Variants in MCOLN2 observed in about 807,000 individuals in gnomAD.
The protein encoded by MCOLN2 is mucolipin-2.
Under a neutral mutation model 67.5 loss-of-function variants are expected in MCOLN2, and 57 were observed. The observed-to-expected ratio is 0.84, with a 90% CI of 0.68 to 1.05. MCOLN2 has a LOEUF of 1.05. MCOLN2 is among the 50% of genes least tolerant of loss of function. MCOLN2 has a pLI of 0.00. For missense variants in MCOLN2, 620 were observed against 678.8 expected (o/e 0.91, Z 0.96); for synonymous variants, 246 against 233.3 (o/e 1.05, Z -0.50).
chr1:84,947,598 A>G (rs953253912), intron 6 of MCOLN2, among the ~76,000 whole-genome samples: 4 of 152,218 alleles, frequency 2.6e-5, no homozygotes, highest in Non-Finnish European at 5.9e-5. Flanking sequence ...AGTCCTTGCT[A>G]CAGGAGAGCC....
In MCOLN2 at chr1:84,987,494, G is replaced by GTATATATAGATATA. The variant is rs371006356; in HGVS notation, c.77+9301_77+9302insTATATCTATATATA. 4.7e-4 allele frequency among the ~76,000 whole-genome samples: 25 copies of GTATATATAGATATA among 53,548 alleles called. 1 individual carries two copies. The highest frequency in any genetic ancestry group is 1.3e-3 in the African/African-American group (18 of 13,780). 35.1% of individuals were successfully genotyped at this position (53,548 alleles called of 152,430 possible). A position where few individuals can be genotyped will look rare whatever the true frequency, so the allele number is the denominator to read the frequency against. ...TAGATATATATACATATATACATAT[G>GTATATATAGATATA]TATACATAGATGTATACATATGTAT... On this transcript the variant is annotated intron_variant, in intron 1 of 13. Transcript: ENST00000370608.
chr1:84,971,499 TACACACAC>T (rs71097870), intron 1 of MCOLN2, among the ~76,000 whole-genome samples: 3,507 of 132,222 alleles, frequency 0.027, 53 homozygotes, highest in African/African-American at 0.051. Flanking sequence ...TAAACAGACA[TACACACAC>T]ACACACACAC....
intron 1 of MCOLN2, among the ~76,000 whole-genome samples, chr1:84,969,251 C>A (rs560105476): frequency 6.6e-6 from 1 of 152,280 alleles, no homozygotes; most frequent in East Asian, 1.9e-4. Context: ...GTCATGGGAA[C>A]CCTAACTTGA....
chr1:84,936,298 G>A (rs539763182), intron 11 of MCOLN2, among the ~76,000 whole-genome samples: 7 of 152,238 alleles, frequency 4.6e-5, no homozygotes, highest in East Asian at 1.9e-4. Flanking sequence ...TAGGGGAGAC[G>A]GGGATGGGGT....
At chr1:84,964,753 C>T (rs889659778) in intron 2 of MCOLN2, among the ~76,000 whole-genome samples, 15 of 152,222 alleles carry the variant, frequency 9.9e-5, no homozygotes, top group South Asian at 4.2e-4. Context: ...CATAAGGAGC[C>T]GCACCTAGAT....
chr1:84,970,266 C>G (rs1483936295), intron 1 of MCOLN2, among the ~76,000 whole-genome samples: 2 of 151,580 alleles, frequency 1.3e-5, no homozygotes, highest in African/African-American at 2.4e-5. Flanking sequence ...CAACTCCCCC[C>G]ACCCCCCAAC....
chr1:84,931,323 G>T, intron 12 of MCOLN2, 39 bp downstream of exon 12: 1 of 1,118,190 alleles, frequency 8.9e-7, no homozygotes, highest in Non-Finnish European at 1.4e-6. Context: ...TATAGAATTT[G>T]CAGTGATTTT....
chr1:84,954,285 C>A lies in MCOLN2; in HGVS notation c.566-1755G>T, dbSNP rs369724646. ...AAGATAGTTGCAGAGAGTGTGTCTC[C>A]CTGTGTTTGGCAGATGGAGTATTAC... On this transcript the variant is annotated intron_variant, in intron 4 of 13. Coordinates refer to ENST00000370608, the MANE Select transcript of MCOLN2 (RefSeq NM_153259.4). Among the ~76,000 whole-genome samples the A allele has an allele frequency of 2.6e-5, 4 of 152,266 alleles. No homozygotes were observed. The East Asian group carries it at 7.7e-4, about 29-fold the overall frequency.
At chr1:84,945,834 C>A (rs1648070617) in intron 7 of MCOLN2, among the ~76,000 whole-genome samples, 1 of 152,054 alleles carries the variant, frequency 6.6e-6, no homozygotes. Flanking sequence ...GCAGCCTCTG[C>A]CTCTCAGGTT....
At chr1:84,929,537 G>A (rs759877747) in intron 13 of MCOLN2, 21 bp downstream of exon 13, 1 of 1,591,994 alleles carries the variant, frequency 6.3e-7, no homozygotes, top group Non-Finnish European at 8.6e-7. Flanking sequence ...CAGGAGCATG[G>A]AGAATAAACA....
chr1:84,987,667 T>G (rs1650682638), intron 1 of MCOLN2, among the ~76,000 whole-genome samples: 2 of 144,230 alleles, frequency 1.4e-5, no homozygotes, highest in African/African-American at 5.1e-5. Context: ...CATATGTATA[T>G]ATGTATATAG....
chr1:84,975,110 G>T (rs532185), intron 1 of MCOLN2, among the ~76,000 whole-genome samples: 21,391 of 152,042 alleles, frequency 0.14, 1,736 homozygotes, highest in East Asian at 0.26. Context: ...TCCTGGGGGA[G>T]CTCAGCATCC....
At chr1:84,936,910 A>G (rs776255198) in intron 11 of MCOLN2, among the ~76,000 whole-genome samples, 2 of 152,208 alleles carry the variant, frequency 1.3e-5, no homozygotes, top group Non-Finnish European at 2.9e-5. Flanking sequence ...AAGTGAGGCT[A>G]ACAGTACCCT....
At position 84,996,935 on chromosome 1, in the gene MCOLN2, C is replaced by A. The variant is rs530316101; in HGVS notation, c.-63G>T. Reference sequence around the variant, plus strand: ...CGGAACAGGAAACACCGTTCACGGCCGACTCATTTCGCCCTCGCCGTAACG... The same window carrying A: ...CGGAACAGGAAACACCGTTCACGGCAGACTCATTTCGCCCTCGCCGTAACG... On this transcript the variant is annotated 5_prime_UTR_variant, in exon 1 of 14. Coordinates refer to ENST00000370608, the MANE Select transcript of MCOLN2 (RefSeq NM_153259.4). 1 of 1,438,256 alleles carries A rather than the reference C, an allele frequency of 7.0e-7. No homozygotes were observed. 89.1% of individuals were successfully genotyped at this position (1,438,256 alleles called of 1,614,324 possible).
chr1:84,973,621 T>G (rs589653), intron 1 of MCOLN2, among the ~76,000 whole-genome samples: 76,757 of 151,892 alleles, frequency 0.51, 19,682 homozygotes, highest in East Asian at 0.64. Flanking sequence ...ACCAGTTATG[T>G]TTTATGTGGG....
intron 1 of MCOLN2, among the ~76,000 whole-genome samples, chr1:84,990,748 A>AT (rs1293709498): frequency 6.6e-6 from 1 of 151,924 alleles, no homozygotes; most frequent in Non-Finnish European, 1.5e-5. Context: ...GGAGACCCCC[A>AT]TCTCTAGAAA....
intron 6 of MCOLN2, among the ~76,000 whole-genome samples, chr1:84,950,757 T>A (rs958207365): frequency 2.0e-5 from 3 of 152,028 alleles, no homozygotes; most frequent in Non-Finnish European, 2.9e-5. Context: ...ACAAGCCAGG[T>A]TTGCCCAAGA....
chr1:84,927,173 A>C (rs1368583112), intron 13 of MCOLN2, among the ~76,000 whole-genome samples: 1 of 151,672 alleles, frequency 6.6e-6, no homozygotes, highest in African/African-American at 2.4e-5. Context: ...CTGCACGTTC[A>C]GCACATGTAT....
chr1:84,993,699 C>G (rs1216834433), intron 1 of MCOLN2, among the ~76,000 whole-genome samples: 1 of 149,430 alleles, frequency 6.7e-6, no homozygotes. Flanking sequence ...GGCGCAATCT[C>G]GGCTCACTGC....
Sources: allele counts gnomAD v4.1 joint callset (sites outside exome capture counted in the v4.1 genomes callset), GRCh38; gene constraint gnomAD v4.1.1; transcripts MANE v1.5; gene names NCBI Gene and HGNC (gene_info 2026-07-23, HGNC 2026-07-21).